Variants in TRERF1 observed in about 807,000 individuals in gnomAD.
TRERF1 encodes transcriptional regulating factor 1.
A neutral mutation model predicts 122.9 loss-of-function variants in TRERF1; 27 were observed. That is an observed-to-expected ratio of 0.22 (90% CI 0.16 to 0.30). The LOEUF (loss-of-function observed/expected upper bound fraction) is 0.30, where lower values mean the gene tolerates loss of function less well. Among genes scored for constraint, TRERF1 ranks in the 10% least tolerant of loss-of-function variants. TRERF1 has a pLI of 1.00. For synonymous variants in TRERF1, 636 were observed against 641.7 expected (o/e 0.99, Z 0.13); for missense variants, 1,248 against 1,560.3 (o/e 0.80, Z 3.37).
intron 3 of TRERF1, among the ~76,000 whole-genome samples, chr6:42,349,886 C>T (rs1769076293): frequency 6.6e-6 from 1 of 152,118 alleles, no homozygotes; most frequent in South Asian, 2.1e-4. Flanking sequence ...CAGTACTGAG[C>T]TCATGTTCAA....
chr6:42,411,187 C>G (rs906865367), intron 2 of TRERF1, among the ~76,000 whole-genome samples: 1 of 152,184 alleles, frequency 6.6e-6, no homozygotes, highest in African/African-American at 2.4e-5. Context: ...GATTCCAACC[C>G]CTGAGAGTAG....
intron 3 of TRERF1, among the ~76,000 whole-genome samples, chr6:42,317,125 T>C (rs1458966129): frequency 6.6e-6 from 1 of 151,838 alleles, no homozygotes; most frequent in Non-Finnish European, 1.5e-5. Context: ...CAGCTCCCAT[T>C]CCCCTGTCCA....
chr6:42,442,583 G>C (rs1275696123), intron 2 of TRERF1, among the ~76,000 whole-genome samples: 2 of 152,222 alleles, frequency 1.3e-5, no homozygotes, highest in African/African-American at 4.8e-5. Flanking sequence ...TTAAAGTCAA[G>C]TCTTGGCCTT....
At chr6:42,225,039 A>G (rs1247413265), downstream of TRERF1, 1 of 152,146 alleles carries the variant, frequency 6.6e-6, no homozygotes, top group Non-Finnish European at 1.5e-5. Flanking sequence ...CATTTGATGA[A>G]TGCCCATCTA....
intron 3 of TRERF1, among the ~76,000 whole-genome samples, chr6:42,301,354 C>T (rs1162575648): frequency 1.3e-5 from 2 of 152,098 alleles, no homozygotes; most frequent in African/African-American, 4.8e-5. Context: ...CTCAGCCTCC[C>T]AAGTAGCTGG....
Position 42,268,789 on chromosome 6 carries a change from G to C in TRERF1, c.802C>G (p.Gln268Glu). ...TGCTGTTGCTGCGGTGGGTAATACT[G>C]GTGCTGCTGCATCTGTTGCATGTGC... Residue 268 changes from glutamine to glutamate, a missense_variant, in exon 5 of 18, where the codon CAG (glutamine) becomes GAG (glutamate). Coordinates refer to ENST00000372922, the Ensembl canonical transcript of TRERF1. This position sits in a 1 kb window ranked among gnomAD's most constrained non-coding sequence, Gnocchi z 4.4. 1 of 1,614,144 alleles carries C rather than the reference G, an allele frequency of 6.2e-7. No homozygotes were observed. Among genetic ancestry groups the C allele is most frequent in the Non-Finnish European group, 8.5e-7 (1 of 1,180,016 alleles).
intron 2 of TRERF1, among the ~76,000 whole-genome samples, chr6:42,417,425 G>A (rs1050669032): frequency 3.3e-5 from 5 of 152,188 alleles, no homozygotes; most frequent in African/African-American, 1.2e-4. Flanking sequence ...AGAGGCTGAG[G>A]CACCTGTTAT....
chr6:42,318,049 G>A (rs537268121), intron 3 of TRERF1, among the ~76,000 whole-genome samples: 1 of 152,104 alleles, frequency 6.6e-6, no homozygotes, highest in African/African-American at 2.4e-5. Context: ...AGCTACTTGG[G>A]AGGCTGAGGC....
At chr6:42,251,435 T>C (rs1316098009) in intron 13 of TRERF1, among the ~76,000 whole-genome samples, 1 of 152,154 alleles carries the variant, frequency 6.6e-6, no homozygotes, top group Non-Finnish European at 1.5e-5. Flanking sequence ...GGGGTGCAAG[T>C]TGAAGCAGGC....
intron 2 of TRERF1, among the ~76,000 whole-genome samples, chr6:42,412,262 A>T (rs1054990399): frequency 1.3e-5 from 2 of 152,130 alleles, no homozygotes; most frequent in Admixed American, 1.3e-4. Context: ...CGGCCTCCCA[A>T]AGTGCTGGGA....
chr6:42,295,965 A>G (rs768127026), intron 4 of TRERF1, among the ~76,000 whole-genome samples: 1 of 152,210 alleles, frequency 6.6e-6, no homozygotes, highest in Non-Finnish European at 1.5e-5. Flanking sequence ...CATGCCAGCT[A>G]TAAGAATAGA....
At position 42,256,951 on chromosome 6, in the gene TRERF1, A is replaced by C; in HGVS notation, c.2476+12T>G. ...AAACCTCTCCCACCCAGCTCTTCCC[A>C]TATGCCAATACCTCTTTGCTGGAGG... On this transcript the variant is annotated intron_variant, in intron 11 of 17. Transcript: ENST00000372922. 6.2e-7 allele frequency: 1 copy of C among 1,614,114 alleles called. No individual in the cohort carries two copies. The highest frequency in any genetic ancestry group is 8.5e-7 in the Non-Finnish European group (1 of 1,179,986).
At chr6:42,356,776 G>A (rs1160797115) in intron 3 of TRERF1, among the ~76,000 whole-genome samples, 1 of 151,994 alleles carries the variant, frequency 6.6e-6, no homozygotes, top group Non-Finnish European at 1.5e-5. Context: ...GTTTTGCCAT[G>A]TTGGCCAGGC....
At chr6:42,444,219 C>A (rs1334421723) in intron 2 of TRERF1, among the ~76,000 whole-genome samples, 1 of 141,328 alleles carries the variant, frequency 7.1e-6, no homozygotes, top group Non-Finnish European at 1.5e-5. Flanking sequence ...GAGCTTCTTG[C>A]TCAAAACCTA....
chr6:42,338,385 G>A (rs543895223), intron 3 of TRERF1, among the ~76,000 whole-genome samples: 2 of 152,302 alleles, frequency 1.3e-5, no homozygotes, highest in African/African-American at 4.8e-5. Flanking sequence ...CGTGGGTAGG[G>A]GGATGCACGC....
At chr6:42,400,847 C>G (rs1779280300) in intron 2 of TRERF1, among the ~76,000 whole-genome samples, 2 of 152,352 alleles carry the variant, frequency 1.3e-5, no homozygotes, top group African/African-American at 2.4e-5. Flanking sequence ...GTGTCCCAGA[C>G]AGCACCACAT....
intron 2 of TRERF1, among the ~76,000 whole-genome samples, chr6:42,441,345 G>C (rs1009699821): frequency 1.3e-5 from 2 of 152,168 alleles, no homozygotes; most frequent in African/African-American, 4.8e-5. Flanking sequence ...AAGGAGGAGG[G>C]GGTGGGTGAA....
intron 2 of TRERF1, among the ~76,000 whole-genome samples, chr6:42,397,685 C>T (rs1778826351): frequency 6.6e-6 from 1 of 152,200 alleles, no homozygotes; most frequent in Non-Finnish European, 1.5e-5. Flanking sequence ...GAAGGACACC[C>T]AGCCAATTGT....
At chr6:42,428,643 C>T (rs772442852) in intron 2 of TRERF1, among the ~76,000 whole-genome samples, 1 of 152,218 alleles carries the variant, frequency 6.6e-6, no homozygotes, top group Non-Finnish European at 1.5e-5. Context: ...AAGCTCCCTT[C>T]CTTTGTTCAT....
Sources: gnomAD v4.1 joint callset for allele counts (sites outside exome capture counted in the v4.1 genomes callset) on GRCh38, gnomAD v4.1.1 for gene constraint, Gnocchi (gnomAD v3.1) non-coding constraint, MANE v1.5 for transcripts, NCBI Gene and HGNC (gene_info 2026-07-23, HGNC 2026-07-21) for gene names.